TXNL4A: variants seen among roughly 807,000 people sequenced by gnomAD.
TXNL4A encodes the protein thioredoxin-like protein 4A.
Under a neutral mutation model 14.6 loss-of-function variants are expected in TXNL4A, and 17 were observed. That is an observed-to-expected ratio of 1.16 (90% CI 0.80 to 1.74). The LOEUF is 1.74. TXNL4A is among the 40% of genes most tolerant of loss of function. The probability of loss-of-function intolerance (pLI) is 0.00; values close to 1 mark genes in which losing one functional copy is unlikely to be tolerated. For synonymous variants in TXNL4A, 83 were observed against 70.6 expected (o/e 1.18, Z -0.88); for missense variants, 74 against 195.2 (o/e 0.38, Z 3.70).
chr18:80,009,802 G>A (rs2051758068), intron 1 of TXNL4A, among the ~76,000 whole-genome samples: 1 of 152,182 alleles, frequency 6.6e-6, no homozygotes, highest in Admixed American at 6.5e-5. Context: ...CCACTTGCAT[G>A]GTGTCCCGCC....
At chr18:80,013,284 A>G (rs11661554) in intron 1 of TXNL4A, among the ~76,000 whole-genome samples, 115,109 of 151,024 alleles carry the variant, frequency 0.76, 44,568 homozygotes, top group East Asian at 0.91. Context: ...CACCATGCCC[A>G]GCTAATTTTT....
At position 79,973,807 on chromosome 18, in the gene TXNL4A, T is replaced by A; in HGVS notation, c.307A>T (p.Asn103Tyr). 6.2e-7 allele frequency: 1 copy of A among 1,614,166 alleles called. No homozygotes were observed. Among genetic ancestry groups the A allele is most frequent in the East Asian group, 2.2e-5 (1 of 44,856 alleles). ...TCCTGCTTGTCCTCCATGGCCCAGT[T>A]AATCTTGTTGTTGTTGCCAGTCCCC... is the stretch of plus-strand genomic sequence containing the variant. ...DLGTGNNNKINWAMEDKQEMV... is the reference protein window; with the variant it reads ...DLGTGNNNKIYWAMEDKQEMV... Residue 103 changes from asparagine (N) to tyrosine (Y), a missense_variant, in exon 3 of 3, where the codon AAC becomes TAC. This residue lies in a region of TXNL4A where 19 missense variants were observed against 60.6 expected (regional missense o/e 0.31). Coordinates refer to ENST00000269601, the MANE Select transcript of TXNL4A (RefSeq NM_006701.5).
rs1204639317 is a variant in TXNL4A at position 79,982,015 on chromosome 18, G to A, written c.154-4314C>T. Among the ~76,000 whole-genome samples, 2 of 152,236 alleles carry A rather than the reference G, an allele frequency of 1.3e-5. No homozygotes were observed. Among genetic ancestry groups the A allele is most frequent in the African/African-American group, 2.4e-5 (1 of 41,462 alleles). On this transcript the variant is annotated intron_variant, in intron 1 of 2. Transcript: ENST00000269601. The surrounding 1 kb of genome is among the most constrained non-coding windows in gnomAD (Gnocchi z 4.0). ...ACGTGAGTGATGCCCAGCCGCACGG[G>A]GAAGGGGCAGAGCTGAGATGCACTC...
At chr18:79,978,216 CAT>C (rs1317967023) in intron 1 of TXNL4A, among the ~76,000 whole-genome samples, 1 of 152,148 alleles carries the variant, frequency 6.6e-6, no homozygotes, top group African/African-American at 2.4e-5. Context: ...CGTCCACAGA[CAT>C]ATTATTTATG....
At chr18:79,996,116 A>AAC (rs2051660238) in intron 1 of TXNL4A, among the ~76,000 whole-genome samples, 2 of 150,168 alleles carry the variant, frequency 1.3e-5, no homozygotes, top group Non-Finnish European at 3.0e-5. Flanking sequence ...AAAAAAAAAA[A>AAC]AAAAAAAAAA....
intron 1 of TXNL4A, among the ~76,000 whole-genome samples, chr18:80,028,531 C>A (rs1023774035): frequency 6.6e-6 from 1 of 152,138 alleles, no homozygotes; most frequent in Non-Finnish European, 1.5e-5. Context: ...GACAGACCTA[C>A]AAGAGATGCC....
At chr18:80,023,504 G>A (rs1278791479) in intron 1 of TXNL4A, among the ~76,000 whole-genome samples, 3 of 152,074 alleles carry the variant, frequency 2.0e-5, no homozygotes, top group Admixed American at 2.0e-4. Context: ...TGTCCCCATA[G>A]CATGCCCCCC....
intron 1 of TXNL4A, among the ~76,000 whole-genome samples, chr18:79,994,053 G>C (rs2051644339): frequency 6.6e-6 from 1 of 152,146 alleles, no homozygotes; most frequent in Non-Finnish European, 1.5e-5. Flanking sequence ...TTAAATTATG[G>C]GGAATGAGGC....
Position 79,988,500 on chromosome 18 carries a change from G to T in TXNL4A, c.-108C>A, listed in dbSNP as rs762121871. ...CGGCCCCCGCCGCCCCCGGGCCCAC[G>T]GACGAAATCCGGTCCCGCCCGCACA... is the stretch of plus-strand genomic sequence containing the variant. On this transcript the variant is annotated 5_prime_UTR_variant, in exon 1 of 3. Coordinates refer to ENST00000269601, the MANE Select transcript of TXNL4A (RefSeq NM_006701.5). The T allele has an allele frequency of 1.6e-4, 197 of 1,194,656 alleles. No homozygotes were observed. The highest frequency in any genetic ancestry group is 2.0e-4 in the Non-Finnish European group (190 of 947,874). 74.0% of individuals were successfully genotyped at this position (1,194,656 alleles called of 1,614,324 possible). A position where few individuals can be genotyped will look rare whatever the true frequency, so the allele number is the denominator to read the frequency against.
At chr18:80,016,775 A>G (rs1457647932) in intron 1 of TXNL4A, among the ~76,000 whole-genome samples, 86 of 149,874 alleles carry the variant, frequency 5.7e-4, no homozygotes, top group Admixed American at 3.4e-3. Context: ...GCCTTGTAGT[A>G]TAGTTTGAAG....
At chr18:79,990,988 G>A (rs1265459192), upstream of TXNL4A, among the ~76,000 whole-genome samples, 2 of 151,436 alleles carry the variant, frequency 1.3e-5, no homozygotes, top group Non-Finnish European at 2.9e-5. Context: ...GGCGCCTGTA[G>A]TCCCAGCTAC....
At chr18:79,980,354 G>C (rs576137228) in intron 1 of TXNL4A, among the ~76,000 whole-genome samples, 4 of 152,132 alleles carry the variant, frequency 2.6e-5, no homozygotes, top group Admixed American at 6.5e-5. Context: ...GAAATCAATG[G>C]GATATGCACA....
At chr18:80,026,856 C>A (rs990267725) in intron 1 of TXNL4A, among the ~76,000 whole-genome samples, 12 of 152,104 alleles carry the variant, frequency 7.9e-5, no homozygotes, top group Non-Finnish European at 1.8e-4. Flanking sequence ...GAATTGGAAC[C>A]AGAGGACCAA....
intron 1 of TXNL4A, among the ~76,000 whole-genome samples, chr18:80,021,065 G>A (rs1319209506): frequency 2.0e-5 from 3 of 152,130 alleles, no homozygotes; most frequent in Non-Finnish European, 4.4e-5. Flanking sequence ...ACTTTAACCT[G>A]AGGATGAGAA....
Position 79,988,480 on chromosome 18 carries a change from C to A in TXNL4A, c.-88G>T, listed in dbSNP as rs1396549856. 23 of 1,235,352 alleles carry A rather than the reference C, an allele frequency of 1.9e-5. No homozygotes were observed. Among genetic ancestry groups the A allele is most frequent in the Non-Finnish European group, 2.2e-5 (22 of 981,682 alleles). The allele number at this position is 1,235,352 out of a possible 1,614,324, so 76.5% of individuals were successfully genotyped here. A position where few individuals can be genotyped will look rare whatever the true frequency, so the allele number is the denominator to read the frequency against. On this transcript the variant is annotated 5_prime_UTR_variant, in exon 1 of 3. Transcript: ENST00000269601. Reference sequence around the variant, plus strand: ...TCAGCCGGCCCCTCACTCCCCGGCCCCCGCCGCCCCCGGGCCCACGGACGA... The same window carrying A: ...TCAGCCGGCCCCTCACTCCCCGGCCACCGCCGCCCCCGGGCCCACGGACGA...
intron 1 of TXNL4A, among the ~76,000 whole-genome samples, chr18:80,023,176 A>C (rs1311786633): frequency 6.6e-6 from 1 of 152,228 alleles, no homozygotes; most frequent in Non-Finnish European, 1.5e-5. Context: ...AAAGAACATA[A>C]GAATTGAATG....
chr18:80,018,157 A>C (rs548278826), intron 1 of TXNL4A, among the ~76,000 whole-genome samples: 216 of 152,350 alleles, frequency 1.4e-3, no homozygotes, highest in African/African-American at 5.0e-3. Flanking sequence ...AGTGCAATCA[A>C]ACTAGAACTC....
At chr18:80,024,150 T>C (rs112745763) in intron 1 of TXNL4A, among the ~76,000 whole-genome samples, 142 of 152,098 alleles carry the variant, frequency 9.3e-4, no homozygotes, top group African/African-American at 3.3e-3. Flanking sequence ...TCTTCCAATG[T>C]TTCTCAGCTG....
chr18:79,996,397 C>T (rs2145099779), intron 1 of TXNL4A, among the ~76,000 whole-genome samples: 1 of 152,222 alleles, frequency 6.6e-6, no homozygotes. Flanking sequence ...AACATGGTGG[C>T]TGTGTCTAAT....
Sources: gnomAD v4.1 joint callset for allele counts (sites outside exome capture counted in the v4.1 genomes callset) on GRCh38, gnomAD v4.1.1 for gene constraint, gnomAD v4.1.1 regional missense constraint, Gnocchi (gnomAD v3.1) non-coding constraint, MANE v1.5 for transcripts, NCBI Gene and HGNC (gene_info 2026-07-23, HGNC 2026-07-21) for gene names.